The following AGER variants were observed in gnomAD, a reference collection of about 807,000 sequenced individuals.
The protein encoded by AGER is advanced glycation end product-specific receptor.
Under a neutral mutation model 48.8 loss-of-function variants are expected in AGER, and 46 were observed. That is an observed-to-expected ratio of 0.94 (90% CI 0.74 to 1.20). The LOEUF is 1.20. AGER is among the 50% of genes most tolerant of loss of function. The probability of loss-of-function intolerance (pLI) is 0.00; values close to 1 mark genes in which losing one functional copy is unlikely to be tolerated. For missense variants in AGER, 489 were observed against 515.0 expected (o/e 0.95, Z 0.49); for synonymous variants, 170 against 199.9 (o/e 0.85, Z 1.26).
In AGER at chr6:32,183,710, TG is replaced by T; in HGVS notation, c.199del (p.Gln67ArgfsTer36). The T allele has an allele frequency of 6.2e-7, 1 of 1,613,054 alleles. No individual in the cohort carries two copies. Among genetic ancestry groups the T allele is most frequent in the Non-Finnish European group, 8.5e-7 (1 of 1,180,030 alleles). On this transcript the variant is annotated frameshift_variant, in exon 3 of 11. Coordinates refer to ENST00000375076, the MANE Select transcript of AGER (RefSeq NM_001136.5). LOFTEE classifies it high-confidence loss of function. ...RTEAWKVLSP[Q>X]GGGPWDSVAR... ...CACACTGTCCCAGGGGCCTCCTCCC[TG>T]GGGAGACAGGACCTTCCAAGCTTCT...
In AGER at chr6:32,181,185, C is replaced by T. The variant is rs758873207; in HGVS notation, c.1173G>A (p.Ser391=). 3.7e-6 allele frequency: 6 copies of T among 1,614,210 alleles called. No homozygotes were observed. Among genetic ancestry groups the T allele is most frequent in the South Asian group, 2.2e-5 (2 of 91,084 alleles). ...EEEERAELNQ[S]EEPEAGESST... ...TACTCTCGCCTGCCTCAGGTTCCTC[C>T]GACTGATTCAGTTCTGCACGCTCCT... Residue 391 remains serine (S), a synonymous_variant, in exon 11 of 11, where the codon TCG becomes TCA. Coordinates refer to ENST00000375076, the MANE Select transcript of AGER (RefSeq NM_001136.5). This position sits in a 1 kb window ranked among gnomAD's most constrained non-coding sequence, Gnocchi z 4.1.
At position 32,181,015 on chromosome 6, in the gene AGER, T is replaced by C; in HGVS notation, c.*128A>G. On this transcript the variant is annotated 3_prime_UTR_variant, in exon 11 of 11. Transcript: ENST00000375076. The surrounding 1 kb of genome is among the most constrained non-coding windows in gnomAD (Gnocchi z 4.1). ...TCATCATTGTGGGGGGCTCTGGTTG[T>C]AGAAGAAAGCTTGGCAAGGTGGGGT... The C allele has an allele frequency of 1.1e-6, 1 of 930,930 alleles. No homozygotes were observed. Among genetic ancestry groups the C allele is most frequent in the Non-Finnish European group, 1.7e-6 (1 of 594,858 alleles). 57.7% of individuals were successfully genotyped at this position (930,930 alleles called of 1,614,324 possible).
At position 32,182,287 on chromosome 6, in the gene AGER, G is replaced by A. The variant is rs751865269; in HGVS notation, c.924C>T (p.His308=). The A allele has an allele frequency of 8.4e-5, 135 of 1,612,762 alleles. No homozygotes were observed. The African/African-American group carries it at 1.0e-3, about 12-fold the overall frequency. ...TGACAGCACGGCTTTCCTGGGGCCC[G>A]TGGCTGGAATGGGTGGCCACACAGC... ...TYSCVATHSS[H]GPQESRAVSI... is the part of the protein sequence containing the mutation. Residue 308 remains histidine (H), a synonymous_variant, in exon 8 of 11, where the codon CAC becomes CAT. Coordinates refer to ENST00000375076, the MANE Select transcript of AGER (RefSeq NM_001136.5). The surrounding 1 kb of genome is among the most constrained non-coding windows in gnomAD (Gnocchi z 5.1).
In AGER at chr6:32,181,478, C is replaced by G. The variant is rs753449078; in HGVS notation, c.992-1G>C. ...CCCAGCCCTGATCCTCCCACAGAGC[C>G]TGTACGGAGACAGGGAAAATTGAGA... On this transcript the variant is annotated splice_acceptor_variant, in intron 9 of 10. Coordinates refer to ENST00000375076, the MANE Select transcript of AGER (RefSeq NM_001136.5). LOFTEE classifies it high-confidence loss of function. This position sits in a 1 kb window ranked among gnomAD's most constrained non-coding sequence, Gnocchi z 4.1. 1.2e-6 allele frequency: 2 copies of G among 1,613,112 alleles called. No individual in the cohort carries two copies. Among genetic ancestry groups the G allele is most frequent in the East Asian group, 4.5e-5 (2 of 44,892 alleles).
Position 32,181,050 on chromosome 6 carries a change from G to C in AGER, c.*93C>G. 7.5e-7 allele frequency: 1 copy of C among 1,331,494 alleles called. No homozygotes were observed. Among genetic ancestry groups the C allele is most frequent in the South Asian group, 1.2e-5 (1 of 83,270 alleles). 82.5% of individuals were successfully genotyped at this position (1,331,494 alleles called of 1,614,324 possible). ...CTTGGCAAGGTGGGGTTATACAGGA[G>C]AGAGATTATACAGGAGAGAGTTGGT... On this transcript the variant is annotated 3_prime_UTR_variant, in exon 11 of 11. Coordinates refer to ENST00000375076, the MANE Select transcript of AGER (RefSeq NM_001136.5). This position sits in a 1 kb window ranked among gnomAD's most constrained non-coding sequence, Gnocchi z 4.1.
Position 32,182,063 on chromosome 6 carries a change from A to T in AGER, c.964+184T>A. 1.1e-6 allele frequency: 1 copy of T among 874,234 alleles called. No individual in the cohort carries two copies. The highest frequency in any genetic ancestry group is 1.9e-6 in the Non-Finnish European group (1 of 540,358). 54.2% of individuals were successfully genotyped at this position (874,234 alleles called of 1,614,324 possible). ...TTCCTTTTTTTAGCTCAGAGGGAAG[A>T]AGGGAGAGGCTTGGCTGCTCTCTTG... On this transcript the variant is annotated intron_variant, in intron 8 of 10. Transcript: ENST00000375076. The surrounding 1 kb of genome is among the most constrained non-coding windows in gnomAD (Gnocchi z 5.1).
Position 32,181,260 on chromosome 6 carries a change from G to A in AGER, c.1119-21C>T, listed in dbSNP as rs1353683116. ...CCTTCCTGAGGAGAAAGATTGGGGG[G>A]AATGCGGCACGTTGTCGTTCCACCC... On this transcript the variant is annotated intron_variant, in intron 10 of 10. Transcript: ENST00000375076. This position sits in a 1 kb window ranked among gnomAD's most constrained non-coding sequence, Gnocchi z 4.1. The A allele has an allele frequency of 1.9e-6, 3 of 1,613,910 alleles. No individual in the cohort carries two copies. The highest frequency in any genetic ancestry group is 1.7e-5 in the Admixed American group (1 of 60,014).
At position 32,182,639 on chromosome 6, in the gene AGER, G is replaced by A; in HGVS notation, c.751C>T (p.Pro251Ser). ...VVEPEGGAVA[P>S]GGTVTLTCEV... ...CAGGTCAGGGTTACGGTTCCACCAG[G>A]AGCTACTGCTCCACCTTCTGGCTCC... Residue 251 changes from proline to serine, a missense_variant, in exon 7 of 11, where the codon CCT becomes TCT. Physicochemically the swap from Pro to Ser is moderately conservative, Grantham distance 74. Coordinates refer to ENST00000375076, the MANE Select transcript of AGER (RefSeq NM_001136.5). The surrounding 1 kb of genome is among the most constrained non-coding windows in gnomAD (Gnocchi z 5.1). 1 of 1,612,948 alleles carries A rather than the reference G, an allele frequency of 6.2e-7. No homozygotes were observed. Among genetic ancestry groups the A allele is most frequent in the South Asian group, 1.1e-5 (1 of 91,078 alleles).
chr6:32,182,088 G>T lies in AGER; in HGVS notation c.964+159C>A. 4 of 1,040,874 alleles carry T rather than the reference G, an allele frequency of 3.8e-6. No individual in the cohort carries two copies. Among genetic ancestry groups the T allele is most frequent in the Non-Finnish European group, 5.8e-6 (4 of 691,042 alleles). 64.5% of individuals were successfully genotyped at this position (1,040,874 alleles called of 1,614,324 possible). A position where few individuals can be genotyped will look rare whatever the true frequency, so the allele number is the denominator to read the frequency against. On this transcript the variant is annotated intron_variant, in intron 8 of 10. Transcript: ENST00000375076. The surrounding 1 kb of genome is among the most constrained non-coding windows in gnomAD (Gnocchi z 5.1). ...AAGGGAGAGGCTTGGCTGCTCTCTTGGCAGAATTTGGGTGGGGCAGGGGAG... is the reference window on the plus strand; with the variant it reads ...AAGGGAGAGGCTTGGCTGCTCTCTTTGCAGAATTTGGGTGGGGCAGGGGAG...
In AGER at chr6:32,181,257, G is replaced by A; in HGVS notation, c.1119-18C>T. On this transcript the variant is annotated intron_variant, in intron 10 of 10. Coordinates refer to ENST00000375076, the MANE Select transcript of AGER (RefSeq NM_001136.5). This position sits in a 1 kb window ranked among gnomAD's most constrained non-coding sequence, Gnocchi z 4.1. ...GGGCCTTCCTGAGGAGAAAGATTGG[G>A]GGGAATGCGGCACGTTGTCGTTCCA... 6.2e-7 allele frequency: 1 copy of A among 1,614,068 alleles called. No individual in the cohort carries two copies. Among genetic ancestry groups the A allele is most frequent in the African/African-American group, 1.3e-5 (1 of 75,052 alleles).
At position 32,181,508 on chromosome 6, in the gene AGER, A is replaced by G. The variant is rs746986964; in HGVS notation, c.992-31T>C. On this transcript the variant is annotated intron_variant, in intron 9 of 10. Coordinates refer to ENST00000375076, the MANE Select transcript of AGER (RefSeq NM_001136.5). This position sits in a 1 kb window ranked among gnomAD's most constrained non-coding sequence, Gnocchi z 4.1. ...CGGAGACAGGGAAAATTGAGAGCAC[A>G]GCCACCACCACTCACCATTCCTTTC... is the stretch of plus-strand genomic sequence containing the variant. 3.8e-5 allele frequency: 61 copies of G among 1,613,060 alleles called. No homozygotes were observed. The South Asian group carries it at 6.5e-4, about 17-fold the overall frequency.
Position 32,183,175 on chromosome 6 carries a change from G to T in AGER, c.447C>A (p.Ser149Arg). 1 of 1,613,082 alleles carries T rather than the reference G, an allele frequency of 6.2e-7. No homozygotes were observed. The highest frequency in any genetic ancestry group is 1.1e-5 in the South Asian group (1 of 91,080). The change falls in exon 5 of 11, where the codon AGC (serine) becomes AGA (arginine). Residue 149 changes from serine (S) to arginine (R), a missense_variant. Coordinates refer to ENST00000375076, the MANE Select transcript of AGER (RefSeq NM_001136.5). ...GCCAGCTAAGAGTCCCTGCAGGGTA[G>T]CTTCCCTCTGACACACATGTCCCCA... Reference protein sequence around the residue: ...NKVGTCVSEGSYPAGTLSWHL... With the variant: ...NKVGTCVSEGRYPAGTLSWHL...
rs1786620801 is a variant in AGER at position 32,183,396 on chromosome 6, A to T, written c.356-8T>A. 6.2e-7 allele frequency: 1 copy of T among 1,612,502 alleles called. No individual in the cohort carries two copies. Among genetic ancestry groups the T allele is most frequent in the Non-Finnish European group, 8.5e-7 (1 of 1,179,594 alleles). On this transcript the variant is annotated splice_polypyrimidine_tract_variant and splice_region_variant and intron_variant, in intron 3 of 10. Coordinates refer to ENST00000375076, the MANE Select transcript of AGER (RefSeq NM_001136.5). Reference sequence around the variant, plus strand: ...CTGGCTTCCCAGGAATCTCTGAAGGAGGAAAAATCCAGTCAGAGGCTGTAA... The same window carrying T: ...CTGGCTTCCCAGGAATCTCTGAAGGTGGAAAAATCCAGTCAGAGGCTGTAA...
intron 3 of AGER, 28 bp from the exon 4 acceptor site, chr6:32,183,416 C>T: frequency 6.2e-7 from 1 of 1,610,834 alleles, no homozygotes; most frequent in Non-Finnish European, 8.5e-7. Flanking sequence ...CAGTCAGAGG[C>T]TGTAATTGTG....
At position 32,182,518 on chromosome 6, in the gene AGER, G is replaced by T. The variant is rs1786409439; in HGVS notation, c.822+50C>A. On this transcript the variant is annotated intron_variant, in intron 7 of 10. Coordinates refer to ENST00000375076, the MANE Select transcript of AGER (RefSeq NM_001136.5). The surrounding 1 kb of genome is among the most constrained non-coding windows in gnomAD (Gnocchi z 5.1). ...TCGTTAGCCCTCTGCCCTCCCTGTT[G>T]CTAGTTATGGTTCACCCTACCTCCC... 2 of 1,602,362 alleles carry T rather than the reference G, an allele frequency of 1.2e-6. No homozygotes were observed. Among genetic ancestry groups the T allele is most frequent in the Admixed American group, 3.4e-5 (2 of 59,428 alleles).
chr6:32,182,879 C>G lies in AGER; in HGVS notation c.653G>C (p.Arg218Pro). ...CTGGATGGGGGCTGTGCGCAAGGCC[C>G]GGTGTCGGGGAAGGCCTGGGCTGAA... ...CSFSPGLPRH[R>P]ALRTAPIQPR... Residue 218 changes from arginine to proline, a missense_variant, in exon 6 of 11, where the codon CGG (arginine) becomes CCG (proline). Transcript: ENST00000375076. The surrounding 1 kb of genome is among the most constrained non-coding windows in gnomAD (Gnocchi z 5.1). 9 of 1,611,434 alleles carry G rather than the reference C, an allele frequency of 5.6e-6. No individual in the cohort carries two copies. The highest frequency in any genetic ancestry group is 7.6e-6 in the Non-Finnish European group (9 of 1,179,418).
At position 32,182,748 on chromosome 6, in the gene AGER, C is replaced by T. The variant is rs1252616171; in HGVS notation, c.692-50G>A. On this transcript the variant is annotated intron_variant, in intron 6 of 10. Coordinates refer to ENST00000375076, the MANE Select transcript of AGER (RefSeq NM_001136.5). This position sits in a 1 kb window ranked among gnomAD's most constrained non-coding sequence, Gnocchi z 5.1. ...TGGAGAGTTACACTTGTGAGTGATCCCAGTGGCCATGGGCTTGACTCCCTC... is the reference window on the plus strand; with the variant it reads ...TGGAGAGTTACACTTGTGAGTGATCTCAGTGGCCATGGGCTTGACTCCCTC... 1 of 1,612,932 alleles carries T rather than the reference C, an allele frequency of 6.2e-7. No homozygotes were observed. Among genetic ancestry groups the T allele is most frequent in the Non-Finnish European group, 8.5e-7 (1 of 1,179,982 alleles).
In AGER at chr6:32,184,177, G is replaced by A; in HGVS notation, c.46C>T (p.Leu16=). ...GGTTGAGGGAGTGGCTCACCCCACA[G>A]ACTGAGGACCAGCACCCAGGCTCCA... The part of the protein sequence containing the change: ...AVGAWVLVLS[L]WGAVVGAQNI... The change falls in exon 1 of 11, where the codon CTG becomes TTG. Residue 16 remains leucine (L), a synonymous_variant. Coordinates refer to ENST00000375076, the MANE Select transcript of AGER (RefSeq NM_001136.5). 6.2e-7 allele frequency: 1 copy of A among 1,612,106 alleles called. No homozygotes were observed. The highest frequency in any genetic ancestry group is 1.3e-5 in the African/African-American group (1 of 75,030).
In AGER at chr6:32,183,743, C is replaced by T; in HGVS notation, c.167G>A (p.Gly56Asp). Reference protein sequence around the residue: ...PQRLEWKLNTGRTEAWKVLSP... With the variant: ...PQRLEWKLNTDRTEAWKVLSP... ...CAGGACCTTCCAAGCTTCTGTCCGG[C>T]CTGTGTTCTAGAAGCAGAGAAGCAG... The change falls in exon 3 of 11, where the codon GGC becomes GAC. Residue 56 changes from glycine (G) to aspartate (D), a missense_variant. Transcript: ENST00000375076. The T allele has an allele frequency of 6.2e-7, 1 of 1,612,924 alleles. No individual in the cohort carries two copies. The highest frequency in any genetic ancestry group is 8.5e-7 in the Non-Finnish European group (1 of 1,179,946).
Sources: gnomAD v4.1 joint callset for allele counts on GRCh38, gnomAD v4.1.1 for gene constraint, Gnocchi (gnomAD v3.1) non-coding constraint, MANE v1.5 for transcripts, NCBI Gene and HGNC (gene_info 2026-07-23, HGNC 2026-07-21) for gene names.